The following RBFOX1 variants were observed in gnomAD, a reference collection of about 807,000 sequenced individuals.
RBFOX1 encodes RNA binding fox-1 homolog 1, also known as RNA binding protein fox-1 homolog 1.
A neutral mutation model predicts 57.7 loss-of-function variants in RBFOX1; 8 were observed. The observed-to-expected ratio is 0.14, with a 90% CI of 0.08 to 0.25. The LOEUF (loss-of-function observed/expected upper bound fraction) is 0.25, where lower values mean the gene tolerates loss of function less well. RBFOX1 is among the 10% of genes least tolerant of loss of function. The pLI is 1.00. For synonymous variants in RBFOX1, 326 were observed against 222.4 expected, an observed-to-expected ratio of 1.47 and a Z score of -4.15; for missense variants, 611 against 548.5, an observed-to-expected ratio of 1.11 and a Z score of -1.14.
At chr16:6,926,765 A>G (rs532174816) in intron 3 of RBFOX1, among the ~76,000 whole-genome samples, 93 of 152,278 alleles carry the variant, frequency 6.1e-4, no homozygotes, top group Middle Eastern at 3.4e-3. Flanking sequence ...CTGAACTTTT[A>G]AATGCTTCTG....
intron 3 of RBFOX1, among the ~76,000 whole-genome samples, chr16:6,820,548 A>G (rs2091093846): frequency 6.6e-6 from 1 of 151,940 alleles, no homozygotes; most frequent in African/African-American, 2.4e-5. Context: ...AGTCTCAGCT[A>G]CTTGGGATGG....
chr16:7,066,501 G>GCTC (rs2056073435), intron 4 of RBFOX1, among the ~76,000 whole-genome samples: 2 of 152,198 alleles, frequency 1.3e-5, no homozygotes, highest in Non-Finnish European at 2.9e-5. Context: ...TGGTTAGTTA[G>GCTC]AAATTTAAAT....
At chr16:7,164,378 G>T (rs921217197) in intron 4 of RBFOX1, among the ~76,000 whole-genome samples, 1 of 152,094 alleles carries the variant, frequency 6.6e-6, no homozygotes, top group Non-Finnish European at 1.5e-5. Flanking sequence ...ATGGGCATTT[G>T]GGCTGGTTCC....
At chr16:6,002,134 G>A (rs1262322729) in intron 4 of RBFOX1, among the ~76,000 whole-genome samples, 2 of 151,936 alleles carry the variant, frequency 1.3e-5, no homozygotes, top group East Asian at 1.9e-4. Flanking sequence ...ACCATGCCCG[G>A]CTAATTAAAA....
intron 1 of RBFOX1, among the ~76,000 whole-genome samples, chr16:5,452,110 C>G (rs1364803634): frequency 2.8e-5 from 4 of 141,460 alleles, no homozygotes; most frequent in African/African-American, 1.1e-4. Flanking sequence ...ATCTCTCTCT[C>G]TCTCTCTTTT....
intron 4 of RBFOX1, among the ~76,000 whole-genome samples, chr16:7,196,715 G>C (rs1032362157): frequency 2.0e-5 from 3 of 152,200 alleles, no homozygotes; most frequent in African/African-American, 2.4e-5. Context: ...AGGGTCAGGA[G>C]TCATGCTGCA....
chr16:5,426,096 C>A (rs537376), intron 1 of RBFOX1, among the ~76,000 whole-genome samples: 85,881 of 151,990 alleles, frequency 0.57, 24,846 homozygotes, highest in Admixed American at 0.65. Context: ...AAATCGATTT[C>A]ACATTCAGGT....
chr16:7,510,970 G>C (rs1036593370), intron 4 of RBFOX1, among the ~76,000 whole-genome samples: 2 of 152,130 alleles, frequency 1.3e-5, no homozygotes, highest in African/African-American at 4.8e-5. Context: ...AATAAACTGG[G>C]GACAAGTAAA....
intron 4 of RBFOX1, among the ~76,000 whole-genome samples, chr16:7,179,800 T>C (rs1191228176): frequency 6.6e-6 from 1 of 152,166 alleles, no homozygotes; most frequent in Non-Finnish European, 1.5e-5. Context: ...AGTGGCATGA[T>C]CTCGGCTCAC....
At chr16:7,053,682 C>G (rs572583883) in intron 4 of RBFOX1, among the ~76,000 whole-genome samples, 2 of 152,130 alleles carry the variant, frequency 1.3e-5, no homozygotes, top group African/African-American at 4.8e-5. Flanking sequence ...CCATTGTCGA[C>G]AGGAGTGTGG....
In RBFOX1 at chr16:5,740,506, T is replaced by A. The variant is rs373448684; in HGVS notation, c.319-126797T>A. Among the ~76,000 whole-genome samples, 306 of 152,318 alleles carry A rather than the reference T, an allele frequency of 2.0e-3. 2 individuals carry two copies. Among genetic ancestry groups the A allele is most frequent in the African/African-American group, 7.0e-3 (290 of 41,564 alleles). ...TTTCTGTAGCAAACTCATGGATCAG[T>A]TAGGACTCAATTGATTACACGTGAC... is the stretch of plus-strand genomic sequence containing the variant. On this transcript the variant is annotated intron_variant, in intron 3 of 19. Coordinates refer to the RBFOX1 transcript ENST00000641259.
At chr16:7,343,504 C>G (rs1046660012) in intron 4 of RBFOX1, among the ~76,000 whole-genome samples, 1 of 152,138 alleles carries the variant, frequency 6.6e-6, no homozygotes, top group Admixed American at 6.5e-5. Flanking sequence ...GCCCTCTGAG[C>G]ACACAGCAGC....
intron 1 of RBFOX1, among the ~76,000 whole-genome samples, chr16:6,290,758 A>T (rs2077388355): frequency 6.6e-6 from 1 of 152,168 alleles, no homozygotes; most frequent in South Asian, 2.1e-4. Flanking sequence ...GGATATTGTT[A>T]TTTCCACTTT....
At chr16:6,248,905 C>A (rs2097585119) in intron 1 of RBFOX1, among the ~76,000 whole-genome samples, 1 of 152,128 alleles carries the variant, frequency 6.6e-6, no homozygotes, top group South Asian at 2.1e-4. Context: ...GCTCAGAGAG[C>A]ATTTGCTGTT....
intron 4 of RBFOX1, among the ~76,000 whole-genome samples, chr16:7,059,514 T>C (rs1021668318): frequency 2.6e-5 from 4 of 152,176 alleles, no homozygotes; most frequent in Non-Finnish European, 4.4e-5. Flanking sequence ...GGAAAAGACA[T>C]GCATTTGTCA....
intron 1 of RBFOX1, among the ~76,000 whole-genome samples, chr16:5,354,349 C>T (rs190088608): frequency 6.6e-6 from 1 of 152,108 alleles, no homozygotes; most frequent in Non-Finnish European, 1.5e-5. Context: ...GTAGTCTGAC[C>T]CAATATTCCT....
At chr16:7,656,664 C>T (rs1162941326) in intron 12 of RBFOX1, among the ~76,000 whole-genome samples, 2 of 152,160 alleles carry the variant, frequency 1.3e-5, no homozygotes, top group Non-Finnish European at 2.9e-5. Context: ...CCCAGTGCAG[C>T]TCACCCTATG....
chr16:5,839,169 G>T (rs558145927), intron 3 of RBFOX1, among the ~76,000 whole-genome samples: 1 of 152,056 alleles, frequency 6.6e-6, no homozygotes, highest in Non-Finnish European at 1.5e-5. Flanking sequence ...ACAAATTATC[G>T]TACTCCAGAA....
At position 6,714,532 on chromosome 16, in the gene RBFOX1, T is replaced by C. The variant is rs78057204; in HGVS notation, c.-16+59882T>C. 1.7e-3 allele frequency among the ~76,000 whole-genome samples: 266 copies of C among 152,270 alleles called. No homozygotes were observed. The East Asian group carries it at 0.03, about 17-fold the overall frequency. On this transcript the variant is annotated intron_variant, in intron 3 of 15. Transcript: ENST00000550418. ...AAGGGCAGGGGGCCTGGGGTACTTA[T>C]ACTGCAAGTCTCATTAGTCATTGGT...
Sources: allele counts gnomAD v4.1 joint callset (sites outside exome capture counted in the v4.1 genomes callset), GRCh38; gene constraint gnomAD v4.1.1; transcripts MANE v1.5; gene names NCBI Gene and HGNC (gene_info 2026-07-23, HGNC 2026-07-21).